ERCC8: variants seen among roughly 807,000 people sequenced by gnomAD.
The protein encoded by ERCC8 is DNA excision repair protein ERCC-8.
Under a neutral mutation model 54.9 loss-of-function variants are expected in ERCC8, and 52 were observed. That is an observed-to-expected ratio of 0.95 (90% CI 0.76 to 1.19). ERCC8 has a LOEUF of 1.19. Ranked by LOEUF, ERCC8 falls within the 50% of genes most tolerant of loss-of-function variation. The pLI is 0.00. For synonymous variants in ERCC8, 146 were observed against 157.2 expected (o/e 0.93, Z 0.53); for missense variants, 514 against 466.1 (o/e 1.10, Z -0.95).
intron 11 of ERCC8, among the ~76,000 whole-genome samples, chr5:60,886,041 T>G (rs186750690): frequency 1.5e-4 from 22 of 151,484 alleles, no homozygotes; most frequent in Admixed American, 1.3e-3. Flanking sequence ...ATTTCCAACT[T>G]AAAGAACTAT....
chr5:60,876,443 G>A (rs906310865), intron 11 of ERCC8, among the ~76,000 whole-genome samples: 1 of 152,080 alleles, frequency 6.6e-6, no homozygotes, highest in African/African-American at 2.4e-5. Context: ...TAGATACCTG[G>A]GGAATTCCTA....
intron 4 of ERCC8, among the ~76,000 whole-genome samples, chr5:60,908,557 A>T (rs1450866515): frequency 3.5e-5 from 5 of 141,472 alleles, no homozygotes; most frequent in African/African-American, 1.3e-4. Flanking sequence ...GGTCATTCAT[A>T]TAAATACATA....
chr5:60,939,528 C>G (rs367680344), intron 1 of ERCC8, among the ~76,000 whole-genome samples: 22 of 152,022 alleles, frequency 1.4e-4, no homozygotes, highest in African/African-American at 5.3e-4. Context: ...GACAGAGTCT[C>G]GCTCTGTCAC....
chr5:60,880,850 C>T (rs1019404999), intron 11 of ERCC8, among the ~76,000 whole-genome samples: 1 of 152,122 alleles, frequency 6.6e-6, no homozygotes. Context: ...CGTCTGAAGC[C>T]CTTTTTTCTC....
rs148065979 is a variant in ERCC8 at position 60,939,639 on chromosome 5, C to T, written c.77+5293G>A. ...AGCTGGGATTACAGGCACCTGCCACCGCACCCGGAGCACGCCCGGCTGATT... is the reference window on the plus strand; with the variant it reads ...AGCTGGGATTACAGGCACCTGCCACTGCACCCGGAGCACGCCCGGCTGATT... On this transcript the variant is annotated intron_variant, in intron 1 of 11. Transcript: ENST00000676185. Among the ~76,000 whole-genome samples, 497 of 152,040 alleles carry T rather than the reference C, an allele frequency of 3.3e-3. 2 individuals are homozygous for T. The highest frequency in any genetic ancestry group is 0.011 in the African/African-American group (471 of 41,466).
intron 9 of ERCC8, chr5:60,892,161 C>G (rs1177221952): frequency 1.9e-6 from 1 of 516,470 alleles, no homozygotes; most frequent in East Asian, 5.0e-5. Context: ...GGGTGGTGGT[C>G]TACATTGAGT....
At position 60,873,142 on chromosome 5, in the gene ERCC8, A is replaced by G. The variant is rs1179275519; in HGVS notation, c.*1473T>C. ...TACAAGATTACTATTAATTTTGAAA[A>G]ATAAGAGAATGGATGTAAAGTGTTC... On this transcript the variant is annotated 3_prime_UTR_variant, in exon 12 of 12. Transcript: ENST00000676185. Among the ~76,000 whole-genome samples, 1 of 152,218 alleles carries G rather than the reference A, an allele frequency of 6.6e-6. No homozygotes were observed. Among genetic ancestry groups the G allele is most frequent in the African/African-American group, 2.4e-5 (1 of 41,450 alleles).
intron 5 of ERCC8, 41 bp downstream of exon 5, chr5:60,904,751 G>A (rs1238162075): frequency 1.6e-6 from 2 of 1,285,806 alleles, no homozygotes; most frequent in Non-Finnish European, 1.1e-6. Context: ...AAGGGAGAAA[G>A]TTTTCAGTAT....
At chr5:60,878,624 A>G (rs1748096159) in intron 11 of ERCC8, among the ~76,000 whole-genome samples, 1 of 152,130 alleles carries the variant, frequency 6.6e-6, no homozygotes, top group Non-Finnish European at 1.5e-5. Context: ...CCAGGAATTT[A>G]TCCATTTCTT....
chr5:60,918,301 A>G lies in ERCC8; in HGVS notation c.363T>C (p.Asp121=), dbSNP rs4647088. 29,648 of 1,598,376 alleles carry G rather than the reference A, an allele frequency of 0.019. 324 individuals are homozygous for G. Among genetic ancestry groups the G allele is most frequent in the Middle Eastern group, 0.033 (197 of 6,030 alleles). Residue 121 remains aspartate (D), a synonymous_variant, in exon 4 of 12, where the codon GAT becomes GAC. Coordinates refer to ENST00000676185, the MANE Select transcript of ERCC8 (RefSeq NM_000082.4). Reference sequence around the variant, plus strand: ...TTGTATCCCATACTTTCAGAGTTTTATCAAATGAGCTTGATGTGAACATGC... The same window carrying G: ...TTGTATCCCATACTTTCAGAGTTTTGTCAAATGAGCTTGATGTGAACATGC... ...DTGMFTSSSF[D]KTLKVWDTNT... is the part of the protein sequence containing the mutation.
At chr5:60,898,066 A>G (rs920260246) in intron 9 of ERCC8, among the ~76,000 whole-genome samples, 5 of 152,170 alleles carry the variant, frequency 3.3e-5, no homozygotes, top group Non-Finnish European at 4.4e-5. Context: ...TAGAACAGTG[A>G]TTCTCTGCTA....
intron 4 of ERCC8, 199 bp downstream of exon 4, chr5:60,918,066 T>C (rs955683793): frequency 8.9e-6 from 5 of 560,918 alleles, no homozygotes; most frequent in African/African-American, 7.5e-5. Context: ...ACACAGAGGT[T>C]TGGACATTTG....
At position 60,872,609 on chromosome 5, in the gene ERCC8, G is replaced by T. The variant is rs1747886298; in HGVS notation, c.*2006C>A. 2.6e-5 allele frequency among the ~76,000 whole-genome samples: 4 copies of T among 152,122 alleles called. No homozygotes were observed. In the South Asian group the frequency reaches 6.2e-4, roughly 24 times the overall value. On this transcript the variant is annotated 3_prime_UTR_variant, in exon 12 of 12. Transcript: ENST00000676185. ...GATACCACCTAACACCTGTTAGAATGGCTACTATCAATAACACAAAAGATA... is the reference window on the plus strand; with the variant it reads ...GATACCACCTAACACCTGTTAGAATTGCTACTATCAATAACACAAAAGATA...
chr5:60,908,395 A>C (rs1306397693), intron 4 of ERCC8, among the ~76,000 whole-genome samples: 1 of 151,870 alleles, frequency 6.6e-6, no homozygotes, highest in Non-Finnish European at 1.5e-5. Flanking sequence ...GTATGTATAG[A>C]TCGATTCCTG....
chr5:60,879,919 T>C (rs193149884), intron 11 of ERCC8, among the ~76,000 whole-genome samples: 8 of 152,352 alleles, frequency 5.3e-5, no homozygotes, highest in Admixed American at 4.6e-4. Flanking sequence ...TGACATTAGC[T>C]GGTTATTTTG....
intron 9 of ERCC8, among the ~76,000 whole-genome samples, chr5:60,895,776 G>T (rs1055472544): frequency 6.6e-6 from 1 of 152,172 alleles, no homozygotes; most frequent in Non-Finnish European, 1.5e-5. Context: ...TAAACTGCTA[G>T]ACTGTGATGG....
intron 1 of ERCC8, among the ~76,000 whole-genome samples, chr5:60,943,227 C>T (rs1408410397): frequency 2.0e-5 from 3 of 152,020 alleles, no homozygotes; most frequent in Non-Finnish European, 4.4e-5. Context: ...GCTGTAACTG[C>T]ACCACTGCAT....
At chr5:60,921,755 A>C (rs1160606900) in intron 3 of ERCC8, among the ~76,000 whole-genome samples, 1 of 151,926 alleles carries the variant, frequency 6.6e-6, no homozygotes, top group Non-Finnish European at 1.5e-5. Flanking sequence ...AACTCTAATT[A>C]GTTACTGAGA....
chr5:60,945,025 G>A lies in ERCC8; in HGVS notation c.-17C>T, dbSNP rs747243717. On this transcript the variant is annotated 5_prime_UTR_variant, in exon 1 of 12. Coordinates refer to ENST00000676185, the MANE Select transcript of ERCC8 (RefSeq NM_000082.4). Reference sequence around the variant, plus strand: ...CCCCAGCATATCGTGTCCTCACACCGGCTGGAGCACTGGACGTCGCCATGA... The same window carrying A: ...CCCCAGCATATCGTGTCCTCACACCAGCTGGAGCACTGGACGTCGCCATGA... The A allele has an allele frequency of 5.0e-6, 8 of 1,609,502 alleles. No homozygotes were observed. The highest frequency in any genetic ancestry group is 1.7e-5 in the Admixed American group (1 of 60,002).
Sources: gnomAD v4.1 joint callset for allele counts (sites outside exome capture counted in the v4.1 genomes callset) on GRCh38, gnomAD v4.1.1 for gene constraint, MANE v1.5 for transcripts, NCBI Gene and HGNC (gene_info 2026-07-23, HGNC 2026-07-21) for gene names.